Variants in TMEM117 observed in about 807,000 individuals in gnomAD.
TMEM117 encodes the protein transmembrane protein 117.
In TMEM117, 27 loss-of-function variants were observed where a neutral mutation model predicts 52.4. The observed-to-expected ratio is 0.51, with a 90% confidence interval of 0.38 to 0.71. The LOEUF is 0.71. Ranked by LOEUF, TMEM117 falls within the 30% of genes least tolerant of loss-of-function variation. The pLI, the probability that TMEM117 is intolerant of heterozygous loss-of-function variation, is 0.00. For synonymous variants in TMEM117, 215 were observed against 206.3 expected, an observed-to-expected ratio of 1.04 and a Z score of -0.36; for missense variants, 556 against 630.5, an observed-to-expected ratio of 0.88 and a Z score of 1.26.
intron 4 of TMEM117, among the ~76,000 whole-genome samples, chr12:44,182,196 C>A (rs1370596164): frequency 2.0e-5 from 3 of 152,082 alleles, no homozygotes; most frequent in African/African-American, 4.8e-5. Flanking sequence ...ATTTTTGTAC[C>A]TTGATTTTGT....
At chr12:43,863,942 GGCC>G (rs1438428051) in intron 2 of TMEM117, among the ~76,000 whole-genome samples, 2 of 152,224 alleles carry the variant, frequency 1.3e-5, no homozygotes, top group Non-Finnish European at 2.9e-5. Flanking sequence ...GGCGCTTGCG[GGCC>G]AGCTAGAGTT....
chr12:43,802,520 G>A, the TMEM117 span: 1 of 1,254,430 alleles, frequency 8.0e-7, no homozygotes, highest in African/African-American at 1.5e-5. Flanking sequence ...TCAAGTGGTA[G>A]TGTGATGAAG....
the TMEM117 span, chr12:43,802,307 T>C: frequency 1.9e-6 from 3 of 1,560,492 alleles, no homozygotes; most frequent in Admixed American, 4.2e-5. Context: ...CTGGAGACCA[T>C]GCAATGAATA....
At chr12:44,019,343 C>T (rs1946421114) in intron 3 of TMEM117, among the ~76,000 whole-genome samples, 1 of 151,998 alleles carries the variant, frequency 6.6e-6, no homozygotes, top group Admixed American at 6.6e-5. Context: ...CCAGGAGACC[C>T]ATTGTAGTTT....
intron 3 of TMEM117, among the ~76,000 whole-genome samples, chr12:43,959,385 A>C (rs1403193032): frequency 6.6e-6 from 1 of 152,232 alleles, no homozygotes. Flanking sequence ...AGGCTTCAGC[A>C]CATAATTTTT....
chr12:44,152,245 T>A (rs1207688783), intron 4 of TMEM117, among the ~76,000 whole-genome samples: 1 of 111,336 alleles, frequency 9.0e-6, no homozygotes, highest in East Asian at 2.9e-4. Context: ...ATATATATAA[T>A]TATAAATATA....
At position 43,944,278 on chromosome 12, in the gene TMEM117, A is replaced by G. The variant is rs780301141; in HGVS notation, c.346A>G (p.Ile116Val). 2.1e-5 allele frequency: 34 copies of G among 1,613,164 alleles called. 1 individual carries two copies. The highest frequency in any genetic ancestry group is 1.6e-4 in the South Asian group (15 of 91,050). ...GSWMTMFFST[I>V]LFLFIFSHIY... ...GTGGATGACAATGTTCTTCAGCACA[A>G]TTCTCTTTCTCTTCATATTTTCTCA... The change falls in exon 3 of 8, where the codon ATT becomes GTT. Residue 116 changes from isoleucine to valine, a missense_variant. Physicochemically the swap from Ile to Val is conservative, Grantham distance 29. Around this residue, in one of 3 missense-constraint regions of TMEM117, gnomAD observed 328 missense variants for 371.4 expected, o/e 0.88. Coordinates refer to ENST00000266534, the MANE Select transcript of TMEM117 (RefSeq NM_032256.3).
the TMEM117 span, among the ~76,000 whole-genome samples, chr12:43,818,774 T>C: frequency 6.6e-6 from 1 of 152,192 alleles, no homozygotes; most frequent in African/African-American, 2.4e-5. Flanking sequence ...AACATTTTAA[T>C]ATTACCCTTA....
chr12:44,311,813 GTATATATATGTATATATGTATATA>G (rs1565701523), intron 6 of TMEM117, among the ~76,000 whole-genome samples: 1 of 93,292 alleles, frequency 1.1e-5, no homozygotes, highest in East Asian at 2.5e-4. Context: ...ATGTATATAT[GTATATATATGTATATATGTATATA>G]TGTATATATA....
intron 3 of TMEM117, among the ~76,000 whole-genome samples, chr12:43,978,595 C>T (rs1945711018): frequency 6.6e-6 from 1 of 152,078 alleles, no homozygotes; most frequent in Non-Finnish European, 1.5e-5. Flanking sequence ...GGCACAACTA[C>T]AGGAGTACGA....
intron 5 of TMEM117, among the ~76,000 whole-genome samples, chr12:44,218,149 G>A (rs1949742205): frequency 6.6e-6 from 1 of 151,990 alleles, no homozygotes; most frequent in Admixed American, 6.6e-5. Context: ...GCTTGAACCT[G>A]GGAGGCAGAG....
intron 3 of TMEM117, among the ~76,000 whole-genome samples, chr12:44,126,839 A>T (rs543834429): frequency 6.6e-6 from 1 of 152,196 alleles, no homozygotes; most frequent in South Asian, 2.1e-4. Flanking sequence ...AGCTGTTAAC[A>T]TGCAAGCAGA....
chr12:43,975,843 C>T (rs1290425176), intron 3 of TMEM117, among the ~76,000 whole-genome samples: 4 of 152,138 alleles, frequency 2.6e-5, no homozygotes, highest in African/African-American at 9.7e-5. Flanking sequence ...GACTAAAAAG[C>T]AGAAAGCATT....
chr12:44,108,666 A>T lies in TMEM117; in HGVS notation c.411-34859A>T, dbSNP rs1261241317. 1.4e-4 allele frequency among the ~76,000 whole-genome samples: 9 copies of T among 66,460 alleles called. No homozygotes were observed. The East Asian group carries it at 4.2e-3, about 31-fold the overall frequency. The allele number at this position is 66,460 out of a possible 152,430, so 43.6% of individuals were successfully genotyped here. On this transcript the variant is annotated intron_variant, in intron 3 of 7. Coordinates refer to ENST00000266534, the MANE Select transcript of TMEM117 (RefSeq NM_032256.3). The stretch of plus-strand genomic sequence containing the variant: ...TTGTGAATAGTGCCGCAATAAACAT[A>T]CATGTGCATGTGTCTTTATAGCAGC...
chr12:43,953,370 G>A (rs1195874521), intron 3 of TMEM117, among the ~76,000 whole-genome samples: 1 of 152,072 alleles, frequency 6.6e-6, no homozygotes, highest in Non-Finnish European at 1.5e-5. Flanking sequence ...TGGATACAAA[G>A]ACAAGACCCA....
At chr12:44,222,012 C>T (rs576358633) in intron 5 of TMEM117, among the ~76,000 whole-genome samples, 7 of 152,056 alleles carry the variant, frequency 4.6e-5, no homozygotes, top group African/African-American at 1.7e-4. Context: ...CTCCCTCTTT[C>T]ACTCCATCTT....
At chr12:44,202,015 C>G (rs1565585450) in intron 4 of TMEM117, among the ~76,000 whole-genome samples, 1 of 150,994 alleles carries the variant, frequency 6.6e-6, no homozygotes, top group African/African-American at 2.4e-5. Context: ...CTTTATATAT[C>G]AAGATGATAT....
chr12:44,036,219 TGTAAA>T (rs1369467172), intron 3 of TMEM117, among the ~76,000 whole-genome samples: 1 of 152,170 alleles, frequency 6.6e-6, no homozygotes, highest in African/African-American at 2.4e-5. Flanking sequence ...TTTTGAAATA[TGTAAA>T]GTAAATATAG....
rs550892206 is a variant in TMEM117, at chr12:43,986,084, C to T, written c.410+41742C>T. Among the ~76,000 whole-genome samples, 357 of 152,172 alleles carry T rather than the reference C, an allele frequency of 2.3e-3. 3 individuals carry two copies. Among genetic ancestry groups the T allele is most frequent in the African/African-American group, 8.2e-3 (339 of 41,526 alleles). On this transcript the variant is annotated intron_variant, in intron 3 of 7. Transcript: ENST00000266534. Reference sequence around the variant, plus strand: ...TTCTAGTGGGCTCTGAGATGTAATACACCAGGAAAGAAAAATTACTGATTA... The same window carrying T: ...TTCTAGTGGGCTCTGAGATGTAATATACCAGGAAAGAAAAATTACTGATTA...
Sources: gnomAD v4.1 joint callset for allele counts (sites outside exome capture counted in the v4.1 genomes callset) on GRCh38, gnomAD v4.1.1 for gene constraint, gnomAD v4.1.1 regional missense constraint, MANE v1.5 for transcripts, NCBI Gene and HGNC (gene_info 2026-07-23, HGNC 2026-07-21) for gene names.